ZNF680: variants seen among roughly 807,000 people sequenced by gnomAD.
ZNF680 encodes the protein zinc finger protein 680, also known as hypothetical protein FLJ90430.
A neutral mutation model predicts 12.1 loss-of-function variants in ZNF680; 6 were observed. That is an observed-to-expected ratio of 0.49 (90% CI 0.27 to 0.98). The LOEUF (loss-of-function observed/expected upper bound fraction) is 0.98, where lower values mean the gene tolerates loss of function less well. ZNF680 is among the 50% of genes least tolerant of loss of function. ZNF680 has a pLI of 0.12. For missense variants in ZNF680, 561 were observed against 616.3 expected (o/e 0.91, Z 0.95); for synonymous variants, 170 against 199.3 (o/e 0.85, Z 1.24).
At chr7:64,517,126 T>C (rs1359709534), downstream of ZNF680, among the ~76,000 whole-genome samples, 1 of 151,356 alleles carries the variant, frequency 6.6e-6, no homozygotes, top group African/African-American at 2.4e-5. Context: ...CAGAACTAAA[T>C]AAGATTAAAA....
chr7:64,539,363 AAAAAAAAAAAAAG>A (rs1480020036), intron 3 of ZNF680, among the ~76,000 whole-genome samples: 30 of 144,058 alleles, frequency 2.1e-4, no homozygotes, highest in African/African-American at 7.0e-4. Context: ...AAAAAAAAAA[AAAAAAAAAAAAAG>A]AAAAGAAAAT....
Position 64,521,740 on chromosome 7 carries a change from A to G in ZNF680, c.1014T>C (p.Thr338=), listed in dbSNP as rs1211040398. 2 of 1,612,758 alleles carry G rather than the reference A, an allele frequency of 1.2e-6. No homozygotes were observed. Among genetic ancestry groups the G allele is most frequent in the Admixed American group, 1.7e-5 (1 of 60,004 alleles). ...CTCCAGTATGAATTTTCTTATGTTT[A>G]GTAAGGTTTGAAAACTGGTTAAAGT... ...GKDFNQFSNL[T]KHKKIHTGEK... is the part of the protein sequence containing the mutation. The change falls in exon 4 of 4, where the codon ACT becomes ACC. Residue 338 remains threonine (T), a synonymous_variant. Transcript: ENST00000309683.
At chr7:64,551,076 A>G (rs1265675905) in intron 1 of ZNF680, among the ~76,000 whole-genome samples, 1 of 152,226 alleles carries the variant, frequency 6.6e-6, no homozygotes, top group East Asian at 1.9e-4. Context: ...TTAGCCCATG[A>G]GTAGAAAAAC....
chr7:64,561,934 C>CAAAAAAAAA (rs1187872173), intron 1 of ZNF680, among the ~76,000 whole-genome samples: 9 of 80,316 alleles, frequency 1.1e-4, no homozygotes, highest in Admixed American at 2.8e-4. Context: ...GACTCCGTCT[C>CAAAAAAAAA]AAAAAAAAAA....
In ZNF680 at chr7:64,527,173, G is replaced by A. The variant is rs147857795; in HGVS notation, c.254-4673C>T. On this transcript the variant is annotated intron_variant, in intron 3 of 3. Transcript: ENST00000309683. ...GAATCACTTGAACCCAGGAGGCGGA[G>A]GCTGCAGTGAGCCGAGATCACGCCA... 0.031 allele frequency among the ~76,000 whole-genome samples: 4,667 copies of A among 152,204 alleles called. 356 individuals are homozygous for A. In the East Asian group the frequency reaches 0.32, roughly 11 times the overall value.
At chr7:64,513,251 G>C in the ZNF680 span, among the ~76,000 whole-genome samples, 1 of 151,946 alleles carries the variant, frequency 6.6e-6, no homozygotes. Flanking sequence ...GTATGCAAAA[G>C]CAGTAAAATG....
At chr7:64,511,615 GC>G in the ZNF680 span, among the ~76,000 whole-genome samples, 2 of 135,262 alleles carry the variant, frequency 1.5e-5, no homozygotes, top group Non-Finnish European at 3.1e-5. Context: ...CCTTGCCCTT[GC>G]CCAAACCCAG....
intron 3 of ZNF680, among the ~76,000 whole-genome samples, chr7:64,538,730 G>T (rs75976741): frequency 0.066 from 10,058 of 152,164 alleles, 475 homozygotes; most frequent in Admixed American, 0.1. Flanking sequence ...ATTAAAAATG[G>T]AATTATTAAA....
At chr7:64,535,861 T>C (rs1786138202) in intron 3 of ZNF680, among the ~76,000 whole-genome samples, 1 of 152,006 alleles carries the variant, frequency 6.6e-6, no homozygotes, top group Non-Finnish European at 1.5e-5. Context: ...AGAGAATTGC[T>C]TGAACTCGGG....
At chr7:64,535,873 G>A (rs936913552) in intron 3 of ZNF680, among the ~76,000 whole-genome samples, 1 of 152,054 alleles carries the variant, frequency 6.6e-6, no homozygotes, top group Non-Finnish European at 1.5e-5. Context: ...GAACTCGGGA[G>A]GCAGAGGTTG....
chr7:64,529,179 C>T (rs1025769373), intron 3 of ZNF680, among the ~76,000 whole-genome samples: 4 of 152,208 alleles, frequency 2.6e-5, no homozygotes, highest in Admixed American at 2.6e-4. Context: ...CAGCCCTAGA[C>T]CTTCCTTCTG....
At chr7:64,562,825 T>G in intron 1 of ZNF680, 100 bp downstream of exon 1, 2 of 1,399,414 alleles carry the variant, frequency 1.4e-6, no homozygotes, top group Non-Finnish European at 2.0e-6. Context: ...CCGCGGATTT[T>G]GGAGCCCAGT....
At chr7:64,537,809 A>G (rs1786254288) in intron 3 of ZNF680, among the ~76,000 whole-genome samples, 1 of 152,136 alleles carries the variant, frequency 6.6e-6, no homozygotes, top group Non-Finnish European at 1.5e-5. Flanking sequence ...GGGCGCCTGT[A>G]GTCCCAGCTA....
chr7:64,505,512 A>C, the ZNF680 span, among the ~76,000 whole-genome samples: 7,658 of 152,296 alleles, frequency 0.05, 287 homozygotes, highest in East Asian at 0.17. Flanking sequence ...TGTAATGAGT[A>C]GTGTAAAACT....
chr7:64,554,791 AT>A (rs1787313988), intron 1 of ZNF680, among the ~76,000 whole-genome samples: 1 of 152,124 alleles, frequency 6.6e-6, no homozygotes, highest in Non-Finnish European at 1.5e-5. Flanking sequence ...TGAAGGCGGC[AT>A]ACTCGTTAAG....
At chr7:64,546,551 G>C (rs530339644) in intron 1 of ZNF680, among the ~76,000 whole-genome samples, 18 of 152,246 alleles carry the variant, frequency 1.2e-4, no homozygotes, top group South Asian at 6.2e-4. Context: ...AGACCAGCCT[G>C]GGCAACATGG....
the ZNF680 span, among the ~76,000 whole-genome samples, chr7:64,501,896 C>A: frequency 6.6e-6 from 1 of 152,046 alleles, no homozygotes; most frequent in Admixed American, 6.6e-5. Flanking sequence ...TCCCATTTCA[C>A]CTCCTTTGAC....
chr7:64,538,034 T>C (rs1367557317), intron 3 of ZNF680, among the ~76,000 whole-genome samples: 1 of 152,228 alleles, frequency 6.6e-6, no homozygotes, highest in East Asian at 1.9e-4. Flanking sequence ...TAACACATGA[T>C]AGAGAAAAGA....
intron 3 of ZNF680, among the ~76,000 whole-genome samples, chr7:64,539,351 C>CAAAAAAAAAAAAAAAAAAA (rs1170166478): frequency 6.2e-5 from 3 of 48,480 alleles, no homozygotes; most frequent in African/African-American, 1.0e-4. Context: ...AACTTCGTCT[C>CAAAAAAAAAAAAAAAAAAA]AAAAAAAAAA....
Sources: allele counts gnomAD v4.1 joint callset (sites outside exome capture counted in the v4.1 genomes callset), GRCh38; gene constraint gnomAD v4.1.1; transcripts MANE v1.5; gene names NCBI Gene and HGNC (gene_info 2026-07-23, HGNC 2026-07-21).